CCR7: variants seen among roughly 807,000 people sequenced by gnomAD.
The protein encoded by CCR7 is C-C motif chemokine receptor 7.
In CCR7, 11 loss-of-function variants were observed where a neutral mutation model predicts 26.0. That is an observed-to-expected ratio of 0.42 (90% confidence interval 0.27 to 0.70). The LOEUF is 0.70. Ranked by LOEUF, CCR7 falls within the 30% of genes least tolerant of loss-of-function variation. The pLI, the probability that CCR7 is intolerant of heterozygous loss-of-function variation, is 0.23. For synonymous variants in CCR7, 189 were observed against 202.1 expected (o/e 0.94, Z 0.55); for missense variants, 360 against 504.0 (o/e 0.71, Z 2.74).
chr17:40,561,393 T>C (rs1000218234), intron 1 of CCR7, among the ~76,000 whole-genome samples: 1 of 152,208 alleles, frequency 6.6e-6, no homozygotes, highest in African/African-American at 2.4e-5. Flanking sequence ...GCCTGGTCAG[T>C]GGCCTTGAGT....
chr17:40,562,133 A>C (rs1416720907), intron 1 of CCR7, among the ~76,000 whole-genome samples: 1 of 151,786 alleles, frequency 6.6e-6, no homozygotes, highest in East Asian at 1.9e-4. Context: ...AGGCTTTGAA[A>C]CCCTCCAACT....
intron 1 of CCR7, among the ~76,000 whole-genome samples, chr17:40,564,292 G>T (rs763601211): frequency 2.0e-5 from 3 of 152,012 alleles, no homozygotes; most frequent in Non-Finnish European, 2.9e-5. Flanking sequence ...GTCAGTGGGT[G>T]GGGTGACCAC....
At position 40,554,305 on chromosome 17, in the gene CCR7, C is replaced by CGCCGTATCA; in HGVS notation, c.*436_*437insTGATACGGC. 1 of 159,374 alleles carries CGCCGTATCA rather than the reference C, an allele frequency of 6.3e-6. No individual in the cohort carries two copies. Among genetic ancestry groups the CGCCGTATCA allele is most frequent in the Non-Finnish European group, 1.4e-5 (1 of 72,570 alleles). 9.9% of individuals were successfully genotyped at this position (159,374 alleles called of 1,614,324 possible). ...AAGAAGTCTCCCCACTATCTCTGGTCTTGGAGATAAGGCCTGGTTTTCGGA... is the reference window on the plus strand; with the variant it reads ...AAGAAGTCTCCCCACTATCTCTGGTCGCCGTATCATTGGAGATAAGGCCTGGTTTTCGGA... On this transcript the variant is annotated 3_prime_UTR_variant, in exon 3 of 3. Coordinates refer to ENST00000246657, the MANE Select transcript of CCR7 (RefSeq NM_001838.4).
rs1477162733 is a variant in CCR7, at chr17:40,565,461, C to CT, written c.-53dup. 6.3e-7 allele frequency: 1 copy of CT among 1,595,510 alleles called. No homozygotes were observed. Among genetic ancestry groups the CT allele is most frequent in the Admixed American group, 1.7e-5 (1 of 59,996 alleles). On this transcript the variant is annotated 5_prime_UTR_variant, in exon 1 of 3. Coordinates refer to ENST00000246657, the MANE Select transcript of CCR7 (RefSeq NM_001838.4). Reference sequence around the variant, plus strand: ...CAGGAAGGCTGTGCCCGGCCTCGCACTACCCCTGTCTGGGGAGGAAGTGGT... The same window carrying CT: ...CAGGAAGGCTGTGCCCGGCCTCGCACTTACCCCTGTCTGGGGAGGAAGTGGT...
At chr17:40,557,269 TGGAC>T (rs1385249271) in intron 2 of CCR7, among the ~76,000 whole-genome samples, 1 of 152,196 alleles carries the variant, frequency 6.6e-6, no homozygotes, top group African/African-American at 2.4e-5. Context: ...CGCACAGCGA[TGGAC>T]GGGTTTGTGC....
chr17:40,561,745 C>A (rs924403598), intron 1 of CCR7, among the ~76,000 whole-genome samples: 2 of 152,170 alleles, frequency 1.3e-5, no homozygotes, highest in African/African-American at 2.4e-5. Context: ...CGACCCCAAG[C>A]TTTTTCCTCT....
intron 1 of CCR7, among the ~76,000 whole-genome samples, chr17:40,559,414 GC>G (rs2036629515): frequency 6.6e-6 from 1 of 152,252 alleles, no homozygotes; most frequent in Non-Finnish European, 1.5e-5. Flanking sequence ...TGGCCCAGGA[GC>G]ATTTTCCTGG....
intron 1 of CCR7, among the ~76,000 whole-genome samples, chr17:40,559,503 G>C (rs2036630746): frequency 6.6e-6 from 1 of 152,198 alleles, no homozygotes; most frequent in African/African-American, 2.4e-5. Context: ...TGAGGAAGGA[G>C]GATGACCTCA....
intron 1 of CCR7, among the ~76,000 whole-genome samples, chr17:40,563,282 C>T (rs1296131558): frequency 6.6e-6 from 1 of 152,196 alleles, no homozygotes; most frequent in Non-Finnish European, 1.5e-5. Context: ...CCTCTCCTCC[C>T]CAGCCAAGTT....
chr17:40,554,507 C>T lies in CCR7; in HGVS notation c.*235G>A. ...GTTTAGGGGACAATAGCCTCTGTTTCCCAGTGTTGTCTGTCTGGTGTTAGC... is the reference window on the plus strand; with the variant it reads ...GTTTAGGGGACAATAGCCTCTGTTTTCCAGTGTTGTCTGTCTGGTGTTAGC... On this transcript the variant is annotated 3_prime_UTR_variant, in exon 3 of 3. Transcript: ENST00000246657. 3 of 547,236 alleles carry T rather than the reference C, an allele frequency of 5.5e-6. No individual in the cohort carries two copies. Among genetic ancestry groups the T allele is most frequent in the Non-Finnish European group, 9.7e-6 (3 of 309,828 alleles). 33.9% of individuals were successfully genotyped at this position (547,236 alleles called of 1,614,324 possible).
At chr17:40,565,211 G>T (rs1177272045) in intron 1 of CCR7, among the ~76,000 whole-genome samples, 189 bp downstream of exon 1, 1 of 152,116 alleles carries the variant, frequency 6.6e-6, no homozygotes, top group African/African-American at 2.4e-5. Flanking sequence ...GAAAGGGCAG[G>T]TGCACCCCTC....
chr17:40,554,194 G>C lies in CCR7; in HGVS notation c.*548C>G, dbSNP rs565428454. On this transcript the variant is annotated 3_prime_UTR_variant, in exon 3 of 3. Coordinates refer to ENST00000246657, the MANE Select transcript of CCR7 (RefSeq NM_001838.4). Reference sequence around the variant, plus strand: ...GGCGTGGCAGCTGCCATTCCCGCTGGCTTGGAGGACAGTGAAGAAAACGAT... The same window carrying C: ...GGCGTGGCAGCTGCCATTCCCGCTGCCTTGGAGGACAGTGAAGAAAACGAT... 2 of 153,034 alleles carry C rather than the reference G, an allele frequency of 1.3e-5. No individual in the cohort carries two copies. The highest frequency in any genetic ancestry group is 2.9e-5 in the Non-Finnish European group (2 of 68,622). 9.5% of individuals were successfully genotyped at this position (153,034 alleles called of 1,614,324 possible). A position where few individuals can be genotyped will look rare whatever the true frequency, so the allele number is the denominator to read the frequency against.
chr17:40,555,924 G>GCCC lies in CCR7; in HGVS notation c.61-107_61-106insGGG. 4.0e-6 allele frequency: 3 copies of GCCC among 744,758 alleles called. No individual in the cohort carries two copies. The highest frequency in any genetic ancestry group is 6.5e-6 in the Non-Finnish European group (3 of 459,344). The allele number at this position is 744,758 out of a possible 1,614,324, so 46.1% of individuals were successfully genotyped here. A position where few individuals can be genotyped will look rare whatever the true frequency, so the allele number is the denominator to read the frequency against. Reference sequence around the variant, plus strand: ...GGTTTCTTTCTTTTTTTTTTTTCTTGAGACATGGTCTCACTCTGTTGCCCA... The same window carrying GCCC: ...GGTTTCTTTCTTTTTTTTTTTTCTTGCCCAGACATGGTCTCACTCTGTTGCCCA... On this transcript the variant is annotated intron_variant, in intron 2 of 2. Coordinates refer to ENST00000246657, the MANE Select transcript of CCR7 (RefSeq NM_001838.4). This position sits in a 1 kb window ranked among gnomAD's most constrained non-coding sequence, Gnocchi z 5.6.
At chr17:40,559,906 A>T (rs767713390) in intron 1 of CCR7, among the ~76,000 whole-genome samples, 6 of 151,956 alleles carry the variant, frequency 3.9e-5, no homozygotes, top group Non-Finnish European at 7.4e-5. Context: ...TGATGTCACG[A>T]CTTCTTTATT....
chr17:40,559,707 T>TAAAAAAGGGCCTCTTG (rs1276568701), intron 1 of CCR7, among the ~76,000 whole-genome samples: 1 of 152,188 alleles, frequency 6.6e-6, no homozygotes, highest in East Asian at 1.9e-4. Context: ...AGGCCCAGAA[T>TAAAAAAGGGCCTCTTG]TGAGGAGGTG....
chr17:40,554,033 C>T lies in CCR7; in HGVS notation c.*709G>A, dbSNP rs2036545594. ...AGCCAAGAGCTGAGTGCATGTCATC[C>T]CCACTCTGGAGCCCAGAGTGTGGCT... On this transcript the variant is annotated 3_prime_UTR_variant, in exon 3 of 3. Transcript: ENST00000246657. The T allele has an allele frequency of 2.6e-5, 4 of 152,370 alleles. No individual in the cohort carries two copies. In the South Asian group the frequency reaches 8.3e-4, roughly 32 times the overall value. 9.4% of individuals were successfully genotyped at this position (152,370 alleles called of 1,614,324 possible). A position where few individuals can be genotyped will look rare whatever the true frequency, so the allele number is the denominator to read the frequency against.
At position 40,555,456 on chromosome 17, in the gene CCR7, G is replaced by A; in HGVS notation, c.423C>T (p.Phe141=). ...LIFAIYKMSF[F]SGMLLLLCIS... ...TGCAAAGAAGTAGGAGCATGCCACT[G>A]AAGAAGCTCATCTTGTAGATGGCAA... The change falls in exon 3 of 3, where the codon TTC becomes TTT. Residue 141 remains phenylalanine (F), a synonymous_variant. Transcript: ENST00000246657. The surrounding 1 kb of genome is among the most constrained non-coding windows in gnomAD (Gnocchi z 5.6). 5 of 1,613,950 alleles carry A rather than the reference G, an allele frequency of 3.1e-6. No homozygotes were observed. Among genetic ancestry groups the A allele is most frequent in the Non-Finnish European group, 4.2e-6 (5 of 1,180,022 alleles).
Position 40,555,373 on chromosome 17 carries a change from G to C in CCR7, c.506C>G (p.Ala169Gly). Residue 169 changes from alanine to glycine, a missense_variant, in exon 3 of 3, where the codon GCC becomes GGC. Coordinates refer to ENST00000246657, the MANE Select transcript of CCR7 (RefSeq NM_001838.4). The surrounding 1 kb of genome is among the most constrained non-coding windows in gnomAD (Gnocchi z 5.6). ...VQAVSAHRHR[A>G]RVLLISKLSC... is the part of the protein sequence containing the mutation. The stretch of plus-strand genomic sequence containing the variant: ...CAGCTTGCTGATGAGAAGGACGCGG[G>C]CACGGTGGCGGTGAGCTGAGACAGC... 1 of 1,614,126 alleles carries C rather than the reference G, an allele frequency of 6.2e-7. No individual in the cohort carries two copies. The highest frequency in any genetic ancestry group is 1.1e-5 in the South Asian group (1 of 91,080).
In CCR7 at chr17:40,558,565, T is replaced by C. The variant is rs975485347; in HGVS notation, c.60+328A>G. 3.3e-5 allele frequency among the ~76,000 whole-genome samples: 5 copies of C among 152,226 alleles called. No individual in the cohort carries two copies. In the South Asian group the frequency reaches 1.0e-3, roughly 32 times the overall value. On this transcript the variant is annotated intron_variant, in intron 2 of 2. Transcript: ENST00000246657. ...GTGCACAAAACCCAGTAACATTTTTTGCTTTTTGCAGCTCTTCTCTCTCTA... is the reference window on the plus strand; with the variant it reads ...GTGCACAAAACCCAGTAACATTTTTCGCTTTTTGCAGCTCTTCTCTCTCTA...
Sources: allele counts gnomAD v4.1 joint callset (sites outside exome capture counted in the v4.1 genomes callset), GRCh38; gene constraint gnomAD v4.1.1; non-coding constraint Gnocchi (gnomAD v3.1); transcripts MANE v1.5; gene names NCBI Gene and HGNC (gene_info 2026-07-23, HGNC 2026-07-21).